The following PCDHA11 variants were observed in gnomAD, a reference collection of about 807,000 sequenced individuals.
PCDHA11 encodes protocadherin alpha 11.
In PCDHA11, 61 loss-of-function variants were observed where a neutral mutation model predicts 70.3. The ratio of observed to expected loss-of-function variants is 0.87; its 90% confidence interval spans 0.71 to 1.07. The LOEUF (loss-of-function observed/expected upper bound fraction) is 1.07. Ranked by LOEUF, PCDHA11 falls within the 50% of genes least tolerant of loss-of-function variation. The pLI is 0.00. For missense variants in PCDHA11, 1,324 were observed against 1,237.5 expected, an observed-to-expected ratio of 1.07 and a Z score of -1.05; for synonymous variants, 633 against 555.1, an observed-to-expected ratio of 1.14 and a Z score of -1.97.
At position 140,878,940 on chromosome 5, in the gene PCDHA11, A is replaced by G. The variant is rs554609702; in HGVS notation, c.2391+7446A>G. ...CTTCAATCAATAATTTTAAATAAATATATGGTATTGAAATGTATTACCTGG... is the reference window on the plus strand; with the variant it reads ...CTTCAATCAATAATTTTAAATAAATGTATGGTATTGAAATGTATTACCTGG... On this transcript the variant is annotated intron_variant, in intron 1 of 3. Transcript: ENST00000398640. 9.8e-5 allele frequency among the ~76,000 whole-genome samples: 15 copies of G among 152,366 alleles called. No individual in the cohort carries two copies. In the East Asian group the frequency reaches 2.3e-3, roughly 23 times the overall value.
At chr5:140,911,436 C>G (rs369054235) in intron 1 of PCDHA11, among the ~76,000 whole-genome samples, 14 of 152,124 alleles carry the variant, frequency 9.2e-5, no homozygotes, top group African/African-American at 2.4e-4. Flanking sequence ...TCCAATTTCC[C>G]GCAATTTCAG....
chr5:140,869,964 T>C lies in PCDHA11; in HGVS notation c.861T>C (p.Asn287=), dbSNP rs546576795. ...VTYSLMSIKP[N]GRHLFTLDQN... is the part of the protein sequence containing the mutation. ...ACTCCTTAATGTCAATTAAGCCCAA[T>C]GGAAGACACTTATTTACACTAGATC... The change falls in exon 1 of 4, where the codon AAT becomes AAC. Residue 287 remains asparagine (N), a synonymous_variant. Coordinates refer to ENST00000398640, the MANE Select transcript of PCDHA11 (RefSeq NM_018902.5). 1 of 1,613,046 alleles carries C rather than the reference T, an allele frequency of 6.2e-7. No individual in the cohort carries two copies. Among genetic ancestry groups the C allele is most frequent in the Non-Finnish European group, 8.5e-7 (1 of 1,179,548 alleles).
At chr5:140,927,651 C>A in intron 1 of PCDHA11, 2 of 1,614,216 alleles carry the variant, frequency 1.2e-6, no homozygotes, top group Non-Finnish European at 1.7e-6. Context: ...CTGTGTTATT[C>A]CGAGTTCAAG....
At chr5:140,977,337 G>A (rs1554238444) in intron 1 of PCDHA11, among the ~76,000 whole-genome samples, 4 of 152,150 alleles carry the variant, frequency 2.6e-5, no homozygotes, top group South Asian at 2.1e-4. Context: ...GGGGAGAGAC[G>A]GTGATGATGA....
intron 1 of PCDHA11, among the ~76,000 whole-genome samples, chr5:140,938,877 A>ACACACACACACACAGATG (rs2092241507): frequency 1.3e-5 from 2 of 150,854 alleles, no homozygotes; most frequent in South Asian, 4.2e-4. Context: ...TTAAGAAGCA[A>ACACACACACACACAGATG]CACACACACA....
Position 141,009,783 on chromosome 5 carries a change from G to C in PCDHA11, c.2696G>C (p.Arg899Pro). The part of the protein sequence containing the change: ...IPGSPAIISI[R>P]QEPTNSQIDK... The stretch of plus-strand genomic sequence containing the variant: ...GGATCTCCTGCAATCATCTCCATCC[G>C]GCAGGAGCCTACTAACAGCCAAATT... Residue 899 changes from arginine (R) to proline (P), a missense_variant, in exon 4 of 4, where the codon CGG (arginine) becomes CCG (proline). Arg to Pro is a moderately radical substitution (Grantham distance 103). Coordinates refer to ENST00000398640, the MANE Select transcript of PCDHA11 (RefSeq NM_018902.5). 2 of 1,614,000 alleles carry C rather than the reference G, an allele frequency of 1.2e-6. No homozygotes were observed. The highest frequency in any genetic ancestry group is 1.7e-6 in the Non-Finnish European group (2 of 1,180,008).
intron 2 of PCDHA11, 73 bp downstream of exon 2, chr5:140,979,080 A>T: frequency 1.3e-6 from 2 of 1,572,720 alleles, no homozygotes; most frequent in Non-Finnish European, 1.7e-6. Context: ...GCATCTCCAT[A>T]GGCCAGAAGC....
chr5:140,967,555 C>T, intron 1 of PCDHA11: 4 of 1,614,008 alleles, frequency 2.5e-6, no homozygotes, highest in Non-Finnish European at 3.4e-6. Flanking sequence ...CCACTTATCG[C>T]GTCCAGCTAC....
chr5:140,870,356 G>C lies in PCDHA11; in HGVS notation c.1253G>C (p.Trp418Ser), dbSNP rs17119218. The change falls in exon 1 of 4, where the codon TGG becomes TCG. Residue 418 changes from tryptophan to serine, a missense_variant. Physicochemically the swap from Trp to Ser is radical, Grantham distance 177 (BLOSUM62 -3). Coordinates refer to ENST00000398640, the MANE Select transcript of PCDHA11 (RefSeq NM_018902.5). ...LDSALDRENVWAYELVVTARD... is the reference protein window; with the variant it reads ...LDSALDRENVSAYELVVTARD... ...AGCGCCCTGGACCGCGAGAACGTGT[G>C]GGCCTATGAACTGGTGGTGACTGCG... 1,853 of 1,614,212 alleles carry C rather than the reference G, an allele frequency of 1.1e-3. 14 individuals are homozygous for C. In the African/African-American group the frequency reaches 0.018, roughly 16 times the overall value.
intron 1 of PCDHA11, among the ~76,000 whole-genome samples, chr5:140,950,960 A>G (rs2094536305): frequency 6.6e-6 from 1 of 151,564 alleles, no homozygotes. Flanking sequence ...CTATTGATCT[A>G]TTTTCAGATT....
chr5:140,934,043 G>A (rs1241698438), intron 1 of PCDHA11, among the ~76,000 whole-genome samples: 1 of 151,818 alleles, frequency 6.6e-6, no homozygotes, highest in African/African-American at 2.4e-5. Context: ...AATGATATTA[G>A]TCTTTCCAAG....
At chr5:141,005,574 T>C (rs567844252) in intron 3 of PCDHA11, among the ~76,000 whole-genome samples, 58 of 150,842 alleles carry the variant, frequency 3.8e-4, no homozygotes, top group Non-Finnish European at 7.5e-4. Flanking sequence ...TGGTGGCGCG[T>C]GCCTGTAGTC....
chr5:140,972,479 C>G (rs782631191), intron 1 of PCDHA11, among the ~76,000 whole-genome samples: 1 of 151,994 alleles, frequency 6.6e-6, no homozygotes, highest in Non-Finnish European at 1.5e-5. Flanking sequence ...CAGCATTTAA[C>G]CCCAGACTCT....
intron 1 of PCDHA11, among the ~76,000 whole-genome samples, chr5:140,932,235 G>A (rs372410374): frequency 4.0e-5 from 6 of 151,638 alleles, no homozygotes; most frequent in African/African-American, 1.5e-4. Context: ...TTTTAGAATG[G>A]TATCTAAGAG....
At chr5:140,947,234 AAAAAT>A (rs1164220377) in intron 1 of PCDHA11, among the ~76,000 whole-genome samples, 3 of 151,602 alleles carry the variant, frequency 2.0e-5, no homozygotes, top group Non-Finnish European at 3.0e-5. Flanking sequence ...GACAGGAAAA[AAAAAT>A]AAGATAATCC....
Position 140,991,900 on chromosome 5 carries a change from ATCCC to A in PCDHA11, c.2539+9339_2539+9342del, listed in dbSNP as rs576684602. Reference sequence around the variant, plus strand: ...GGCTGCCATAACAAATTAACACAAAATCCCTTTTGCCATGTAACATAACATATTC... The same window carrying A: ...GGCTGCCATAACAAATTAACACAAAATTTTGCCATGTAACATAACATATTC... On this transcript the variant is annotated intron_variant, in intron 3 of 3. Coordinates refer to ENST00000398640, the MANE Select transcript of PCDHA11 (RefSeq NM_018902.5). Among the ~76,000 whole-genome samples, 390 of 152,250 alleles carry A rather than the reference ATCCC, an allele frequency of 2.6e-3. 2 individuals carry two copies. The highest frequency in any genetic ancestry group is 4.8e-3 in the South Asian group (23 of 4,818).
intron 1 of PCDHA11, among the ~76,000 whole-genome samples, chr5:140,977,523 C>G (rs1393138256): frequency 2.0e-5 from 3 of 152,070 alleles, no homozygotes; most frequent in African/African-American, 7.2e-5. Flanking sequence ...AACTTGAAAA[C>G]AAAGGAGGAA....
At chr5:140,920,989 A>C (rs1409702083) in intron 1 of PCDHA11, among the ~76,000 whole-genome samples, 1 of 151,756 alleles carries the variant, frequency 6.6e-6, no homozygotes, top group Non-Finnish European at 1.5e-5. Context: ...GTATTTGCTT[A>C]TTTTTTCAGA....
rs1459343581 is a variant in PCDHA11 at position 141,012,230 on chromosome 5, A to G, written c.*2293A>G. 1.3e-5 allele frequency: 2 copies of G among 153,766 alleles called. No individual in the cohort carries two copies. The highest frequency in any genetic ancestry group is 6.5e-5 in the Admixed American group (1 of 15,278). 9.5% of individuals were successfully genotyped at this position (153,766 alleles called of 1,614,324 possible). On this transcript the variant is annotated 3_prime_UTR_variant, in exon 4 of 4. Transcript: ENST00000398640. ...ACATTTGCGAAGTGCTTTCCAATCC[A>G]TGTTAGTTACTAGTTATTACAGCTG...
Sources: gnomAD v4.1 joint callset for allele counts (sites outside exome capture counted in the v4.1 genomes callset) on GRCh38, gnomAD v4.1.1 for gene constraint, MANE v1.5 for transcripts, NCBI Gene and HGNC (gene_info 2026-07-23, HGNC 2026-07-21) for gene names.